Variants in PARVB observed in about 807,000 individuals in gnomAD.
The protein encoded by PARVB is parvin beta.
A neutral mutation model predicts 47.0 loss-of-function variants in PARVB; 46 were observed. The ratio of observed to expected loss-of-function variants is 0.98; its 90% CI spans 0.77 to 1.25. The LOEUF (loss-of-function observed/expected upper bound fraction) is 1.25. Among genes scored for constraint, PARVB ranks in the 50% most tolerant of loss-of-function variants. The probability of loss-of-function intolerance (pLI) is 0.00; values close to 1 mark genes in which losing one functional copy is unlikely to be tolerated. For synonymous variants in PARVB, 196 were observed against 196.3 expected (o/e 1.00, Z 0.01); for missense variants, 473 against 471.6 (o/e 1.00, Z -0.03).
chr22:44,129,632 C>G (rs1274411109), intron 4 of PARVB, among the ~76,000 whole-genome samples: 9 of 152,212 alleles, frequency 5.9e-5, no homozygotes. Flanking sequence ...CCTACTTGCT[C>G]TCTACTTCCA....
chr22:44,156,640 A>G (rs2053941436), intron 10 of PARVB, among the ~76,000 whole-genome samples: 1 of 152,258 alleles, frequency 6.6e-6, no homozygotes, highest in South Asian at 2.1e-4. Context: ...TTGTACAATA[A>G]CGTGAATGCA....
At chr22:44,069,369 G>C (rs1359658288) in intron 1 of PARVB, among the ~76,000 whole-genome samples, 1 of 152,236 alleles carries the variant, frequency 6.6e-6, no homozygotes, top group Non-Finnish European at 1.5e-5. Flanking sequence ...CCAGAGGGAT[G>C]AGGGTCTGAC....
chr22:44,088,351 A>C (rs767531039), intron 1 of PARVB, among the ~76,000 whole-genome samples: 1 of 152,064 alleles, frequency 6.6e-6, no homozygotes, highest in Non-Finnish European at 1.5e-5. Flanking sequence ...GATAGGTAGG[A>C]TTTAGTAGGG....
chr22:44,057,150 G>A (rs369472705), intron 1 of PARVB, among the ~76,000 whole-genome samples: 1 of 151,676 alleles, frequency 6.6e-6, no homozygotes, highest in South Asian at 2.1e-4. Context: ...GAAGCGTGTC[G>A]TTCCATTTGT....
rs1004280475 is a variant in PARVB, at chr22:44,119,218, A to T, written c.376+78A>T. The T allele has an allele frequency of 3.1e-5, 30 of 983,392 alleles. No homozygotes were observed. The East Asian group carries it at 6.9e-4, about 23-fold the overall frequency. The allele number at this position is 983,392 out of a possible 1,614,324, so 60.9% of individuals were successfully genotyped here. A position where few individuals can be genotyped will look rare whatever the true frequency, so the allele number is the denominator to read the frequency against. ...CCTGGGCTGGGCCAGGATTCTCTGC[A>T]TAGTGACATCGGCCACAGGTCCTAG... is the stretch of plus-strand genomic sequence containing the variant. On this transcript the variant is annotated intron_variant, in intron 4 of 12. Coordinates refer to ENST00000338758, the MANE Select transcript of PARVB (RefSeq NM_013327.5).
At chr22:44,013,760 G>T (rs150116621) in intron 2 of PARVB, among the ~76,000 whole-genome samples, 2,646 of 152,216 alleles carry the variant, frequency 0.017, 74 homozygotes, top group African/African-American at 0.061. Context: ...AGCCTCCTGA[G>T]TAGCTGGGAT....
Position 44,040,413 on chromosome 22 carries a change from G to A in PARVB, c.112+15962G>A, listed in dbSNP as rs187303094. Among the ~76,000 whole-genome samples, 10 of 152,322 alleles carry A rather than the reference G, an allele frequency of 6.6e-5. No homozygotes were observed. The East Asian group carries it at 1.9e-3, about 29-fold the overall frequency. On this transcript the variant is annotated intron_variant, in intron 1 of 12. Coordinates refer to ENST00000338758, the MANE Select transcript of PARVB (RefSeq NM_013327.5). Reference sequence around the variant, plus strand: ...ATGTGGTCAAAGGGAATTTGCAGGTGTGATTAAGTTAAGAACCTTGAGATG... The same window carrying A: ...ATGTGGTCAAAGGGAATTTGCAGGTATGATTAAGTTAAGAACCTTGAGATG...
intron 4 of PARVB, among the ~76,000 whole-genome samples, chr22:44,124,878 G>C (rs1421687420): frequency 6.6e-6 from 1 of 152,324 alleles, no homozygotes; most frequent in Non-Finnish European, 1.5e-5. Context: ...GAATGGGTAG[G>C]GGGTGGGGTG....
chr22:44,112,518 A>C (rs1317271385), intron 3 of PARVB: 1 of 152,376 alleles, frequency 6.6e-6, no homozygotes, highest in Non-Finnish European at 1.5e-5. Context: ...GCTCGTCCTC[A>C]CCCTTTTCTG....
chr22:44,140,185 G>A, intron 8 of PARVB, 42 bp downstream of exon 8: 2 of 1,605,518 alleles, frequency 1.2e-6, no homozygotes, highest in East Asian at 2.2e-5. Flanking sequence ...AGGCATGTTA[G>A]GGCTCCCCCA....
chr22:44,135,379 C>T (rs2053421653), intron 6 of PARVB, among the ~76,000 whole-genome samples: 1 of 152,226 alleles, frequency 6.6e-6, no homozygotes, highest in Non-Finnish European at 1.5e-5. Flanking sequence ...CTGCCTCAGC[C>T]TCCCAAGTAG....
At chr22:44,010,194 C>T (rs1442000274) in intron 2 of PARVB, among the ~76,000 whole-genome samples, 2 of 152,176 alleles carry the variant, frequency 1.3e-5, no homozygotes, top group African/African-American at 4.8e-5. Context: ...CACGAGTGCA[C>T]CCCACGGCCT....
At chr22:44,102,673 C>T (rs2052476403) in intron 3 of PARVB, 1 of 150,830 alleles carries the variant, frequency 6.6e-6, no homozygotes, top group African/African-American at 2.5e-5. Context: ...AACCCTGTCT[C>T]TACCAAAAAA....
intron 6 of PARVB, among the ~76,000 whole-genome samples, chr22:44,133,466 A>T (rs927609823): frequency 6.6e-6 from 1 of 152,256 alleles, no homozygotes; most frequent in Non-Finnish European, 1.5e-5. Context: ...AAATGGAACC[A>T]GAACCCAGGT....
rs118135743 is a variant in PARVB at position 44,071,775 on chromosome 22, G to A, written c.113-22153G>A. Among the ~76,000 whole-genome samples the A allele has an allele frequency of 7.1e-3, 1,078 of 152,302 alleles. 4 individuals carry two copies. The highest frequency in any genetic ancestry group is 0.027 in the Middle Eastern group (8 of 294). On this transcript the variant is annotated intron_variant, in intron 1 of 12. Transcript: ENST00000338758. Reference sequence around the variant, plus strand: ...CAAGGAGGAATCACATCCTAGCTCCGTATTTTACTAGTTATGGGACCTTGA... The same window carrying A: ...CAAGGAGGAATCACATCCTAGCTCCATATTTTACTAGTTATGGGACCTTGA...
chr22:44,081,627 C>T lies in PARVB; in HGVS notation c.113-12301C>T, dbSNP rs866260435. 5.4e-5 allele frequency: 53 copies of T among 984,766 alleles called. No homozygotes were observed. The African/African-American group carries it at 6.8e-4, about 13-fold the overall frequency. 61.0% of individuals were successfully genotyped at this position (984,766 alleles called of 1,614,324 possible). On this transcript the variant is annotated intron_variant, in intron 1 of 12. Transcript: ENST00000338758. ...CGTTTCTGCTTTCCTTTATGAAGTGCGTTTCTCTAAGAGCCTGGCAGTCTC... is the reference window on the plus strand; with the variant it reads ...CGTTTCTGCTTTCCTTTATGAAGTGTGTTTCTCTAAGAGCCTGGCAGTCTC...
intron 3 of PARVB, chr22:44,113,557 C>G (rs2052768879): frequency 1.7e-5 from 1 of 58,886 alleles, no homozygotes; most frequent in Admixed American, 1.5e-4. Flanking sequence ...TGCACCAACA[C>G]AGATACGTTG....
At chr22:44,050,034 G>C (rs2051179942) in intron 1 of PARVB, among the ~76,000 whole-genome samples, 1 of 152,186 alleles carries the variant, frequency 6.6e-6, no homozygotes, top group Non-Finnish European at 1.5e-5. Flanking sequence ...GCTTCTCGTG[G>C]TACAGCCTAG....
At chr22:44,004,817 C>T (rs1441982377) in intron 2 of PARVB, among the ~76,000 whole-genome samples, 1 of 152,162 alleles carries the variant, frequency 6.6e-6, no homozygotes, top group Non-Finnish European at 1.5e-5. Flanking sequence ...ACACAACGTC[C>T]GGTTTGTGAG....
Sources: allele counts gnomAD v4.1 joint callset (sites outside exome capture counted in the v4.1 genomes callset), GRCh38; gene constraint gnomAD v4.1.1; transcripts MANE v1.5; gene names NCBI Gene and HGNC (gene_info 2026-07-23, HGNC 2026-07-21).